CPNE4: variants seen among roughly 807,000 people sequenced by gnomAD.
CPNE4 encodes the protein copine 4.
CPNE4 carries 25 observed loss-of-function variants against 67.9 expected under a neutral mutation model. That is an observed-to-expected ratio of 0.37 (90% confidence interval 0.27 to 0.51). The LOEUF is 0.51. CPNE4 is among the 20% of genes least tolerant of loss of function. CPNE4 has a pLI of 0.93. For synonymous variants in CPNE4, 242 were observed against 244.9 expected (o/e 0.99, Z 0.11); for missense variants, 464 against 690.8 (o/e 0.67, Z 3.68).
At chr3:131,856,860 C>T (rs1033301271) in intron 2 of CPNE4, among the ~76,000 whole-genome samples, 2 of 151,994 alleles carry the variant, frequency 1.3e-5, no homozygotes, top group South Asian at 4.1e-4. Context: ...AAAACTTACC[C>T]AATGTCACAG....
At chr3:131,823,603 T>C (rs995843107) in intron 2 of CPNE4, among the ~76,000 whole-genome samples, 1 of 152,216 alleles carries the variant, frequency 6.6e-6, no homozygotes, top group Admixed American at 6.5e-5. Context: ...CTTTAGAACA[T>C]CTCTGAAGCA....
chr3:131,792,348 A>C (rs2083748789), intron 2 of CPNE4, among the ~76,000 whole-genome samples: 2 of 151,902 alleles, frequency 1.3e-5, no homozygotes, highest in South Asian at 4.1e-4. Flanking sequence ...GAGTATTTAT[A>C]CTCAATTTTA....
chr3:131,588,385 G>A (rs564095211), intron 7 of CPNE4, among the ~76,000 whole-genome samples: 2 of 152,274 alleles, frequency 1.3e-5, no homozygotes, highest in East Asian at 3.9e-4. Flanking sequence ...CTGGATTGGA[G>A]TCTTCAGCAC....
chr3:132,037,965 G>T, upstream of CPNE4: 3 of 171,628 alleles, frequency 1.7e-5, no homozygotes, highest in South Asian at 2.0e-4. Context: ...TGAGCATTTA[G>T]TTTTGAAATG....
intron 10 of CPNE4, 59 bp downstream of exon 10, chr3:131,575,012 C>T: frequency 7.0e-7 from 1 of 1,438,508 alleles, no homozygotes; most frequent in South Asian, 1.1e-5. Flanking sequence ...AACCCAGTGC[C>T]ACCCCTCATC....
At chr3:131,612,002 T>C (rs1939870938) in intron 7 of CPNE4, among the ~76,000 whole-genome samples, 1 of 152,174 alleles carries the variant, frequency 6.6e-6, no homozygotes, top group Admixed American at 6.6e-5. Flanking sequence ...TTGCCTGTGA[T>C]AGCTATTTGT....
At chr3:131,834,842 A>G (rs1039793879) in intron 2 of CPNE4, among the ~76,000 whole-genome samples, 51 of 152,224 alleles carry the variant, frequency 3.4e-4, no homozygotes, top group Admixed American at 2.0e-4. Flanking sequence ...GTAAATATAT[A>G]AAGTTTTGGT....
At chr3:132,001,607 G>C (rs781439017) in intron 1 of CPNE4, among the ~76,000 whole-genome samples, 1 of 147,518 alleles carries the variant, frequency 6.8e-6, no homozygotes, top group Non-Finnish European at 1.5e-5. Context: ...AAGAAAGAAA[G>C]AAAGAAAGAA....
chr3:131,776,929 A>G (rs1364115706), intron 2 of CPNE4, among the ~76,000 whole-genome samples: 1 of 152,170 alleles, frequency 6.6e-6, no homozygotes, highest in Non-Finnish European at 1.5e-5. Context: ...TTAAGGTATG[A>G]CAGGGCAATT....
At chr3:131,654,646 T>G (rs1469113080) in intron 7 of CPNE4, among the ~76,000 whole-genome samples, 2 of 152,192 alleles carry the variant, frequency 1.3e-5, no homozygotes, top group Non-Finnish European at 2.9e-5. Context: ...ATGGCCATGT[T>G]TTCAAGTTCT....
At chr3:131,823,984 G>A (rs1172934142) in intron 2 of CPNE4, among the ~76,000 whole-genome samples, 1 of 152,146 alleles carries the variant, frequency 6.6e-6, no homozygotes, top group Non-Finnish European at 1.5e-5. Context: ...GAATGAATGA[G>A]GGCTTGTTTC....
At chr3:131,713,097 G>T (rs2081598090) in intron 3 of CPNE4, among the ~76,000 whole-genome samples, 1 of 151,746 alleles carries the variant, frequency 6.6e-6, no homozygotes, top group Non-Finnish European at 1.5e-5. Context: ...CTGGCTTAAA[G>T]GATTAGGATC....
At chr3:131,619,033 T>C (rs892866655) in intron 7 of CPNE4, among the ~76,000 whole-genome samples, 11 of 152,070 alleles carry the variant, frequency 7.2e-5, no homozygotes, top group East Asian at 1.9e-4. Flanking sequence ...TTGTTGCCCA[T>C]AGAGTAGGAG....
intron 3 of CPNE4, among the ~76,000 whole-genome samples, chr3:131,704,985 A>G (rs1412507746): frequency 1.3e-5 from 2 of 152,072 alleles, no homozygotes; most frequent in Non-Finnish European, 2.9e-5. Flanking sequence ...TCCTTATAAG[A>G]AGAGACACCT....
intron 2 of CPNE4, among the ~76,000 whole-genome samples, chr3:131,781,873 C>G (rs2083439284): frequency 6.6e-6 from 1 of 152,058 alleles, no homozygotes; most frequent in Non-Finnish European, 1.5e-5. Context: ...ACCTCACCAC[C>G]CAGGCCCTAC....
At chr3:131,736,853 T>G (rs2082246163) in intron 2 of CPNE4, among the ~76,000 whole-genome samples, 1 of 152,116 alleles carries the variant, frequency 6.6e-6, no homozygotes, top group African/African-American at 2.4e-5. Context: ...GCTCTCCAAT[T>G]GCAGACTTTT....
chr3:131,850,988 C>T (rs1380930545), intron 2 of CPNE4, among the ~76,000 whole-genome samples: 1 of 152,092 alleles, frequency 6.6e-6, no homozygotes, highest in Non-Finnish European at 1.5e-5. Context: ...ACTTCTCCCG[C>T]ACTTGTGTAC....
At chr3:131,838,573 T>G (rs1038159124) in intron 2 of CPNE4, among the ~76,000 whole-genome samples, 10 of 151,180 alleles carry the variant, frequency 6.6e-5, no homozygotes, top group Non-Finnish European at 5.9e-5. Flanking sequence ...CAGATTAAAA[T>G]AATAATAATG....
intron 1 of CPNE4, among the ~76,000 whole-genome samples, chr3:132,007,077 C>T (rs1175513418): frequency 6.6e-6 from 1 of 152,074 alleles, no homozygotes; most frequent in Non-Finnish European, 1.5e-5. Flanking sequence ...GTGCTCGGCA[C>T]CTCTACCAGG....
Sources: allele counts gnomAD v4.1 joint callset (sites outside exome capture counted in the v4.1 genomes callset), GRCh38; gene constraint gnomAD v4.1.1; transcripts MANE v1.5; gene names NCBI Gene and HGNC (gene_info 2026-07-23, HGNC 2026-07-21).